Variants in SLC16A9 observed in about 807,000 individuals in gnomAD.
SLC16A9 encodes the protein monocarboxylate transporter 9.
Under a neutral mutation model 44.3 loss-of-function variants are expected in SLC16A9, and 26 were observed. The observed-to-expected ratio is 0.59, with a 90% CI of 0.43 to 0.81. The LOEUF (loss-of-function observed/expected upper bound fraction) is 0.81. SLC16A9 is among the 40% of genes least tolerant of loss of function. The pLI is 0.00. For synonymous variants in SLC16A9, 230 were observed against 225.1 expected (o/e 1.02, Z -0.19); for missense variants, 559 against 595.8 (o/e 0.94, Z 0.64).
At chr10:59,681,924 CTT>C (rs5785399) in intron 2 of SLC16A9, among the ~76,000 whole-genome samples, 1 of 146,076 alleles carries the variant, frequency 6.8e-6, no homozygotes, top group South Asian at 2.2e-4. Context: ...TTTAGCCATC[CTT>C]TTTTTTTCCC....
intron 1 of SLC16A9, among the ~76,000 whole-genome samples, chr10:59,686,246 T>G (rs1196303033): frequency 6.6e-6 from 1 of 152,234 alleles, no homozygotes; most frequent in African/African-American, 2.4e-5. Context: ...TTTTAATCTC[T>G]AATGGGGCTT....
chr10:59,695,172 T>C (rs1010588300), intron 1 of SLC16A9, among the ~76,000 whole-genome samples: 9 of 151,650 alleles, frequency 5.9e-5, no homozygotes, highest in African/African-American at 1.9e-4. Context: ...TAGGGAGAAA[T>C]GGGGAGTGAC....
Position 59,653,910 on chromosome 10 carries a change from C to A in SLC16A9, c.1116G>T (p.Leu372Phe). The change falls in exon 5 of 6, where the codon TTG (leucine) becomes TTT (phenylalanine). Residue 372 changes from leucine (L) to phenylalanine (F), a missense_variant. Coordinates refer to ENST00000395348, the MANE Select transcript of SLC16A9 (RefSeq NM_194298.3). ...TGATTAAGGTAGCAACATAAAGATA[C>A]AAGGTATTAATCCACTTGAAGTCAG... is the stretch of plus-strand genomic sequence containing the variant. The part of the protein sequence containing the change: ...ILADFKWINT[L>F]YLYVATLIIM... The A allele has an allele frequency of 6.2e-7, 1 of 1,614,116 alleles. No individual in the cohort carries two copies. Among genetic ancestry groups the A allele is most frequent in the Non-Finnish European group, 8.5e-7 (1 of 1,180,024 alleles).
intron 1 of SLC16A9, among the ~76,000 whole-genome samples, chr10:59,692,815 C>A (rs1161401917): frequency 6.6e-6 from 1 of 152,104 alleles, no homozygotes; most frequent in Non-Finnish European, 1.5e-5. Flanking sequence ...TTAACCAATA[C>A]CTAAAAACAA....
chr10:59,697,822 T>C (rs940177413), intron 1 of SLC16A9, among the ~76,000 whole-genome samples: 2 of 151,194 alleles, frequency 1.3e-5, no homozygotes, highest in Admixed American at 1.3e-4. Context: ...ATCAAGTTTG[T>C]ATCTAAGTTC....
intron 1 of SLC16A9, among the ~76,000 whole-genome samples, chr10:59,704,865 T>A (rs1192281125): frequency 6.6e-6 from 1 of 152,266 alleles, no homozygotes; most frequent in African/African-American, 2.4e-5. Context: ...TGATGTTTGA[T>A]CTGTTGTCTA....
At chr10:59,656,951 A>G (rs1258437388) in intron 4 of SLC16A9, among the ~76,000 whole-genome samples, 2 of 152,230 alleles carry the variant, frequency 1.3e-5, no homozygotes, top group Non-Finnish European at 2.9e-5. Flanking sequence ...CGAAGCAGTG[A>G]GAAATACAGC....
At chr10:59,653,033 ATATAGT>A in intron 5 of SLC16A9, 83 bp from the exon 6 acceptor site, 1 of 1,055,520 alleles carries the variant, frequency 9.5e-7, no homozygotes, top group Non-Finnish European at 1.3e-6. Context: ...TCAGTTTTAT[ATATAGT>A]TATAATTAGT....
intron 3 of SLC16A9, among the ~76,000 whole-genome samples, chr10:59,669,494 A>ATGT (rs1322370173): frequency 6.6e-6 from 1 of 152,234 alleles, no homozygotes; most frequent in Non-Finnish European, 1.5e-5. Context: ...CAAATAGAGA[A>ATGT]TGCATGATGC....
In SLC16A9 at chr10:59,654,536, A is replaced by T; in HGVS notation, c.490T>A (p.Phe164Ile). The change falls in exon 5 of 6, where the codon TTC becomes ATC. Residue 164 changes from phenylalanine (F) to isoleucine (I), a missense_variant. Phe to Ile is a conservative substitution (Grantham distance 21). Coordinates refer to ENST00000395348, the MANE Select transcript of SLC16A9 (RefSeq NM_194298.3). Reference protein sequence around the residue: ...YAALQRMLVEFYGLDGCLLIV... With the variant: ...YAALQRMLVEIYGLDGCLLIV... ...AGCAAGCATCCATCCAGTCCATAGA[A>T]CTCAACCAGCATCCTCTGCAGAGCA... The T allele has an allele frequency of 1.9e-6, 3 of 1,607,162 alleles. No homozygotes were observed. The highest frequency in any genetic ancestry group is 2.5e-6 in the Non-Finnish European group (3 of 1,179,828).
At chr10:59,708,055 G>C (rs1352515001) in intron 1 of SLC16A9, among the ~76,000 whole-genome samples, 1 of 152,194 alleles carries the variant, frequency 6.6e-6, no homozygotes, top group Admixed American at 6.5e-5. Context: ...TTATTAGGGG[G>C]TCGGTGGTGC....
chr10:59,654,159 T>C lies in SLC16A9; in HGVS notation c.867A>G (p.Leu289=). The C allele has an allele frequency of 6.2e-7, 1 of 1,614,136 alleles. No homozygotes were observed. The highest frequency in any genetic ancestry group is 2.2e-5 in the East Asian group (1 of 44,878). The change falls in exon 5 of 6, where the codon TTA becomes TTG. Residue 289 remains leucine (L), a synonymous_variant. Coordinates refer to ENST00000395348, the MANE Select transcript of SLC16A9 (RefSeq NM_194298.3). ...CAGTTTCACCACAGTAGTTTTTATA[T>C]AACTGCCACTTCCTCTTGGCAAGCT... ...CKQLAKRKWQ[L]YKNYCGETVA...
At chr10:59,675,134 T>C (rs749326391) in intron 2 of SLC16A9, among the ~76,000 whole-genome samples, 2 of 152,038 alleles carry the variant, frequency 1.3e-5, no homozygotes, top group African/African-American at 2.4e-5. Flanking sequence ...AGGTCAGAGA[T>C]TAAAGACAAA....
At chr10:59,667,823 G>A (rs1839654482) in intron 3 of SLC16A9, among the ~76,000 whole-genome samples, 2 of 152,186 alleles carry the variant, frequency 1.3e-5, no homozygotes, top group Admixed American at 1.3e-4. Flanking sequence ...ACCATTCACA[G>A]CATCAGTATT....
intron 1 of SLC16A9, among the ~76,000 whole-genome samples, chr10:59,699,913 C>G (rs1840484625): frequency 6.6e-6 from 1 of 151,294 alleles, no homozygotes; most frequent in South Asian, 2.1e-4. Context: ...CACACACACA[C>G]ACACACACAC....
rs1209666211 is a variant in SLC16A9 at position 59,681,539 on chromosome 10, G to GTATGTA, written c.196+2551_196+2556dup. 2.1e-3 allele frequency among the ~76,000 whole-genome samples: 10 copies of GTATGTA among 4,736 alleles called. 3 individuals are homozygous for GTATGTA. Among genetic ancestry groups the GTATGTA allele is most frequent in the Non-Finnish European group, 0.011 (5 of 468 alleles). 3.1% of individuals were successfully genotyped at this position (4,736 alleles called of 152,430 possible). A position where few individuals can be genotyped will look rare whatever the true frequency, so the allele number is the denominator to read the frequency against. On this transcript the variant is annotated intron_variant, in intron 2 of 5. Transcript: ENST00000395348. The stretch of plus-strand genomic sequence containing the variant: ...TATATGTATATGTGTATGTGTATGT[G>GTATGTA]TATGTATATGTATATGTATATGATG...
intron 3 of SLC16A9, among the ~76,000 whole-genome samples, chr10:59,666,310 A>AG (rs1839616322): frequency 6.6e-6 from 1 of 151,982 alleles, no homozygotes; most frequent in Non-Finnish European, 1.5e-5. Flanking sequence ...AAAAAAAAAA[A>AG]AAAAGAAAAG....
At chr10:59,656,252 G>A (rs1287829193) in intron 4 of SLC16A9, among the ~76,000 whole-genome samples, 2 of 152,000 alleles carry the variant, frequency 1.3e-5, no homozygotes, top group Non-Finnish European at 2.9e-5. Flanking sequence ...AAAACAGCAG[G>A]GTGACCTCAT....
chr10:59,683,400 A>G (rs867140443), intron 2 of SLC16A9, among the ~76,000 whole-genome samples: 2 of 152,356 alleles, frequency 1.3e-5, no homozygotes, highest in South Asian at 4.1e-4. Context: ...AGGAATCACT[A>G]TTACATCATA....
Sources: allele counts gnomAD v4.1 joint callset (sites outside exome capture counted in the v4.1 genomes callset), GRCh38; gene constraint gnomAD v4.1.1; transcripts MANE v1.5; gene names NCBI Gene and HGNC (gene_info 2026-07-23, HGNC 2026-07-21).